Variants in DOCK5 observed in about 807,000 individuals in gnomAD.
DOCK5 encodes dedicator of cytokinesis protein 5.
In DOCK5, 142 loss-of-function variants were observed where a neutral mutation model predicts 251.8. The ratio of observed to expected loss-of-function variants is 0.56; its 90% CI spans 0.49 to 0.65. The LOEUF (loss-of-function observed/expected upper bound fraction) is 0.65. Ranked by LOEUF, DOCK5 falls within the 30% of genes least tolerant of loss-of-function variation. The probability of loss-of-function intolerance (pLI) is 0.00; values close to 1 mark genes in which losing one functional copy is unlikely to be tolerated. For synonymous variants in DOCK5, 842 were observed against 835.5 expected (o/e 1.01, Z -0.13); for missense variants, 2,111 against 2,312.3 (o/e 0.91, Z 1.79).
chr8:25,404,054 G>A lies in DOCK5; in HGVS notation c.5093+330G>A, dbSNP rs189551045. The stretch of plus-strand genomic sequence containing the variant: ...GCATGAAATTCCAAAAGAACCAAAC[G>A]ATATATCACAAAAAATCTCCCTTTA... On this transcript the variant is annotated intron_variant, in intron 48 of 51. Transcript: ENST00000276440. 1.1e-4 allele frequency among the ~76,000 whole-genome samples: 17 copies of A among 151,978 alleles called. No homozygotes were observed. The East Asian group carries it at 1.5e-3, about 14-fold the overall frequency.
chr8:25,364,699 C>T lies in DOCK5; in HGVS notation c.3118C>T (p.Leu1040Phe). The change falls in exon 30 of 52, where the codon CTT (leucine) becomes TTT (phenylalanine). Residue 1040 changes from leucine to phenylalanine, a missense_variant. Leu to Phe is a conservative substitution (Grantham distance 22). Coordinates refer to ENST00000276440, the MANE Select transcript of DOCK5 (RefSeq NM_024940.8). ...RFFMDQASFE[L>F]QLWNNYFHLA... Reference sequence around the variant, plus strand: ...CTTCATGGATCAGGCAAGCTTTGAACTTCAGGTAGGCATGTGACTCACCTA... The same window carrying T: ...CTTCATGGATCAGGCAAGCTTTGAATTTCAGGTAGGCATGTGACTCACCTA... 6.3e-7 allele frequency: 1 copy of T among 1,589,456 alleles called. No individual in the cohort carries two copies. Among genetic ancestry groups the T allele is most frequent in the Non-Finnish European group, 8.6e-7 (1 of 1,165,430 alleles).
chr8:25,349,277 C>T (rs759819831), intron 26 of DOCK5, among the ~76,000 whole-genome samples: 2 of 151,890 alleles, frequency 1.3e-5, no homozygotes, highest in African/African-American at 2.4e-5. Flanking sequence ...ATTAGTACGA[C>T]GACTATGAAA....
chr8:25,395,877 T>C, intron 45 of DOCK5, 158 bp downstream of exon 45: 1 of 955,574 alleles, frequency 1.0e-6, no homozygotes, highest in South Asian at 1.4e-5. Context: ...CGATTGTCCC[T>C]GACTTCTTAG....
At chr8:25,363,002 G>C (rs1405510269) in intron 28 of DOCK5, 45 bp from the exon 29 acceptor site, 8 of 1,462,272 alleles carry the variant, frequency 5.5e-6, no homozygotes, top group Non-Finnish European at 7.7e-6. Flanking sequence ...TAAAGACTAT[G>C]AACGTAACCC....
chr8:25,299,204 A>G, intron 8 of DOCK5, 103 bp downstream of exon 8: 1 of 1,326,798 alleles, frequency 7.5e-7, no homozygotes. Flanking sequence ...AAGAGAAAAT[A>G]GGGAAGCATG....
At chr8:25,353,276 G>C (rs555660018) in intron 27 of DOCK5, among the ~76,000 whole-genome samples, 1 of 152,236 alleles carries the variant, frequency 6.6e-6, no homozygotes, top group East Asian at 1.9e-4. Context: ...GGAGATCAAG[G>C]CTGCAATGAG....
chr8:25,320,488 T>C (rs1180446125), intron 15 of DOCK5, among the ~76,000 whole-genome samples: 6 of 152,340 alleles, frequency 3.9e-5, no homozygotes, highest in African/African-American at 1.4e-4. Flanking sequence ...CATGCCATGA[T>C]TTGACTGCAC....
rs1356780417 is a variant in DOCK5, at chr8:25,403,489, G to C, written c.4927-69G>C. The C allele has an allele frequency of 4.5e-6, 7 of 1,543,242 alleles. No individual in the cohort carries two copies. In the East Asian group the frequency reaches 1.6e-4, roughly 35 times the overall value. ...GTACTGGTTAGCCACAAGCAAACAG[G>C]GCAGCTGTGGCCAGTTCATAGGGGC... is the stretch of plus-strand genomic sequence containing the variant. On this transcript the variant is annotated intron_variant, in intron 47 of 51. Transcript: ENST00000276440.
chr8:25,325,211 A>G (rs1447571368), intron 17 of DOCK5, among the ~76,000 whole-genome samples, 153 bp from the exon 18 acceptor site: 1 of 152,210 alleles, frequency 6.6e-6, no homozygotes. Flanking sequence ...TGTTTACAGA[A>G]AGATATCAGA....
chr8:25,381,360 C>T (rs1258755527), intron 39 of DOCK5, among the ~76,000 whole-genome samples: 1 of 152,156 alleles, frequency 6.6e-6, no homozygotes, highest in African/African-American at 2.4e-5. Flanking sequence ...CACGGTGGCT[C>T]ATACCTGTAA....
At chr8:25,264,781 T>C (rs1803692667) in intron 2 of DOCK5, among the ~76,000 whole-genome samples, 1 of 151,794 alleles carries the variant, frequency 6.6e-6, no homozygotes, top group African/African-American at 2.4e-5. Context: ...GAACCAACAT[T>C]GCACCACTGC....
In DOCK5 at chr8:25,347,031, A is replaced by G. The variant is rs1800383801; in HGVS notation, c.2754+1420A>G. ...CACGTCTATGGTGGTTTCATGGCAC[A>G]GGTGTTCCCACAGAACAGGAAAACC... On this transcript the variant is annotated intron_variant, in intron 26 of 51. Coordinates refer to ENST00000276440, the MANE Select transcript of DOCK5 (RefSeq NM_024940.8). Among the ~76,000 whole-genome samples the G allele has an allele frequency of 2.0e-5, 3 of 152,342 alleles. No individual in the cohort carries two copies. In the South Asian group the frequency reaches 6.2e-4, roughly 32 times the overall value.
intron 11 of DOCK5, among the ~76,000 whole-genome samples, chr8:25,305,786 AGAATATGAATT>A (rs1244005111): frequency 6.6e-6 from 1 of 152,208 alleles, no homozygotes; most frequent in African/African-American, 2.4e-5. Flanking sequence ...TTACTTATAG[AGAATATGAATT>A]GTTACAATGC....
chr8:25,337,008 CT>C (rs1393596355), intron 22 of DOCK5, among the ~76,000 whole-genome samples: 1 of 151,784 alleles, frequency 6.6e-6, no homozygotes, highest in Non-Finnish European at 1.5e-5. Flanking sequence ...TTAAAAGAAA[CT>C]TTATTGAAAA....
intron 1 of DOCK5, among the ~76,000 whole-genome samples, chr8:25,224,540 C>T (rs947634204): frequency 2.0e-5 from 3 of 152,224 alleles, no homozygotes; most frequent in Non-Finnish European, 4.4e-5. Flanking sequence ...CTGAATCTTA[C>T]TAACTTGTTG....
chr8:25,324,387 T>A (rs542094574), intron 17 of DOCK5, among the ~76,000 whole-genome samples: 7 of 152,322 alleles, frequency 4.6e-5, no homozygotes, highest in African/African-American at 1.7e-4. Context: ...GGGCCTTATT[T>A]CCTTCCCTGA....
intron 44 of DOCK5, 76 bp downstream of exon 44, chr8:25,392,958 T>A: frequency 1.5e-6 from 2 of 1,302,510 alleles, no homozygotes. Context: ...TTGAATTCCC[T>A]CTGCAGTTCA....
chr8:25,214,690 TG>T (rs1802189248), intron 1 of DOCK5, among the ~76,000 whole-genome samples: 1 of 152,118 alleles, frequency 6.6e-6, no homozygotes, highest in South Asian at 2.1e-4. Context: ...TTTTATCCTG[TG>T]GGAATAGTCT....
At chr8:25,236,755 G>T (rs1325289371) in intron 1 of DOCK5, among the ~76,000 whole-genome samples, 2 of 147,364 alleles carry the variant, frequency 1.4e-5, no homozygotes, top group South Asian at 4.3e-4. Flanking sequence ...TAGTTTTTTT[G>T]TGTGGTTTTT....
Sources: allele counts gnomAD v4.1 joint callset (sites outside exome capture counted in the v4.1 genomes callset), GRCh38; gene constraint gnomAD v4.1.1; transcripts MANE v1.5; gene names NCBI Gene and HGNC (gene_info 2026-07-23, HGNC 2026-07-21).